Variants in TPTE observed in about 807,000 individuals in gnomAD.
The protein encoded by TPTE is putative tyrosine-protein phosphatase TPTE.
A neutral mutation model predicts 84.1 loss-of-function variants in TPTE; 59 were observed. The ratio of observed to expected loss-of-function variants is 0.70; its 90% CI spans 0.57 to 0.87. The LOEUF is 0.87. Among genes scored for constraint, TPTE ranks in the 40% least tolerant of loss-of-function variants. The pLI is 0.00. For missense variants in TPTE, 382 were observed against 659.6 expected (o/e 0.58, Z 4.61); for synonymous variants, 130 against 223.5 (o/e 0.58, Z 3.73).
chr21:10,532,119 T>C (rs2074189255), intron 3 of TPTE, among the ~76,000 whole-genome samples: 1 of 152,308 alleles, frequency 6.6e-6, no homozygotes, highest in Non-Finnish European at 1.5e-5. Flanking sequence ...TTCTAAAAAA[T>C]TTTGAAAAAT....
At chr21:10,582,224 A>G (rs1226580976) in intron 17 of TPTE, among the ~76,000 whole-genome samples, 2 of 152,428 alleles carry the variant, frequency 1.3e-5, no homozygotes, top group African/African-American at 2.4e-5. Context: ...AGTTGGGGGA[A>G]GTGTTTTTTT....
At chr21:10,534,634 A>T (rs1568954340) in intron 3 of TPTE, among the ~76,000 whole-genome samples, 3 of 152,310 alleles carry the variant, frequency 2.0e-5, no homozygotes, top group Admixed American at 1.3e-4. Flanking sequence ...AAGTGAAATG[A>T]TATCACTAGC....
chr21:10,593,284 A>G (rs2075520553), intron 19 of TPTE, among the ~76,000 whole-genome samples: 1 of 152,312 alleles, frequency 6.6e-6, no homozygotes, highest in Admixed American at 6.5e-5. Flanking sequence ...AAAAAACCTT[A>G]ACACTTTTTA....
intron 7 of TPTE, among the ~76,000 whole-genome samples, chr21:10,547,152 T>C (rs1026371808): frequency 1.3e-5 from 2 of 152,312 alleles, no homozygotes; most frequent in South Asian, 2.1e-4. Flanking sequence ...CTGAAAATCC[T>C]GGGGCCCGTG....
chr21:10,588,011 G>T (rs530105927), intron 17 of TPTE, among the ~76,000 whole-genome samples: 1 of 152,296 alleles, frequency 6.6e-6, no homozygotes, highest in African/African-American at 2.4e-5. Flanking sequence ...ACCATGCCCG[G>T]CTAATTTTTG....
chr21:10,565,993 C>A (rs559487283), intron 10 of TPTE, among the ~76,000 whole-genome samples: 284 of 152,254 alleles, frequency 1.9e-3, no homozygotes, highest in African/African-American at 6.6e-3. Flanking sequence ...GCTACCAAAG[C>A]AAAAATGGGC....
chr21:10,542,846 G>A (rs2074395788), intron 6 of TPTE, among the ~76,000 whole-genome samples: 1 of 152,306 alleles, frequency 6.6e-6, no homozygotes, highest in Non-Finnish European at 1.5e-5. Context: ...GCAGGTCGTA[G>A]GAGATTTGCT....
chr21:10,574,497 A>C (rs568878842), intron 14 of TPTE, among the ~76,000 whole-genome samples: 13 of 152,400 alleles, frequency 8.5e-5, no homozygotes, highest in South Asian at 2.1e-4. Context: ...GTTTAGAGTG[A>C]TGCAAGATGG....
chr21:10,604,286 C>T (rs1263363217), intron 23 of TPTE, among the ~76,000 whole-genome samples: 1 of 152,308 alleles, frequency 6.6e-6, no homozygotes, highest in Non-Finnish European at 1.5e-5. Context: ...TAGAAGTTCT[C>T]CACTGTAAGT....
At chr21:10,539,766 C>T in intron 4 of TPTE, among the ~76,000 whole-genome samples, 1 of 152,310 alleles carries the variant, frequency 6.6e-6, no homozygotes. Flanking sequence ...AGTCCTAGCA[C>T]TTTGGGAGGC....
chr21:10,535,810 A>G (rs940389898), intron 3 of TPTE, among the ~76,000 whole-genome samples: 1 of 152,310 alleles, frequency 6.6e-6, no homozygotes, highest in Non-Finnish European at 1.5e-5. Flanking sequence ...ACCCAAACCC[A>G]CAATCATTTT....
At chr21:10,554,165 G>A (rs929033745) in intron 8 of TPTE, among the ~76,000 whole-genome samples, 3 of 152,304 alleles carry the variant, frequency 2.0e-5, no homozygotes, top group Admixed American at 1.3e-4. Flanking sequence ...ATATTCATGT[G>A]CACTTACAAC....
intron 14 of TPTE, among the ~76,000 whole-genome samples, chr21:10,575,698 G>A (rs923889067): frequency 6.6e-6 from 1 of 152,312 alleles, no homozygotes; most frequent in African/African-American, 2.4e-5. Context: ...AGCCTTCACT[G>A]GTAATATCTC....
chr21:10,589,187 AT>A (rs2075418892), intron 17 of TPTE, among the ~76,000 whole-genome samples: 1 of 152,402 alleles, frequency 6.6e-6, no homozygotes, highest in South Asian at 2.1e-4. Context: ...TATTATTGTT[AT>A]TTTTTTCTTC....
chr21:10,593,251 TTAAG>T (rs1422865302), intron 19 of TPTE, among the ~76,000 whole-genome samples: 1 of 152,312 alleles, frequency 6.6e-6, no homozygotes, highest in Non-Finnish European at 1.5e-5. Context: ...AGTATGACAT[TTAAG>T]TACTCTTAAA....
intron 14 of TPTE, among the ~76,000 whole-genome samples, chr21:10,572,920 AG>A (rs1246694615): frequency 6.6e-6 from 1 of 152,310 alleles, no homozygotes; most frequent in Non-Finnish European, 1.5e-5. Flanking sequence ...GGTGAAGAAA[AG>A]AACAAAGGAT....
intron 7 of TPTE, among the ~76,000 whole-genome samples, chr21:10,546,872 C>G (rs1278485895): frequency 2.0e-5 from 3 of 152,308 alleles, no homozygotes; most frequent in Non-Finnish European, 4.4e-5. Flanking sequence ...CATAAAAGTG[C>G]AAGGTAAACA....
chr21:10,550,092 A>G (rs1440162662), intron 7 of TPTE, among the ~76,000 whole-genome samples: 2 of 152,310 alleles, frequency 1.3e-5, no homozygotes, highest in Admixed American at 1.3e-4. Context: ...AAGAAGACAT[A>G]AAATCTGTCA....
At chr21:10,532,352 T>C (rs992838364) in intron 3 of TPTE, among the ~76,000 whole-genome samples, 3 of 152,310 alleles carry the variant, frequency 2.0e-5, no homozygotes, top group Non-Finnish European at 4.4e-5. Context: ...GTTCTAGTTA[T>C]GCTCCCTTCT....
Sources: allele counts gnomAD v4.1 joint callset (sites outside exome capture counted in the v4.1 genomes callset), GRCh38; gene constraint gnomAD v4.1.1; transcripts MANE v1.5; gene names NCBI Gene and HGNC (gene_info 2026-07-23, HGNC 2026-07-21).